The following RARB variants were observed in gnomAD, a reference collection of about 807,000 sequenced individuals.
RARB encodes the protein retinoic acid receptor beta.
Under a neutral mutation model 51.9 loss-of-function variants are expected in RARB, and 17 were observed. That is an observed-to-expected ratio of 0.33 (90% CI 0.22 to 0.49). The LOEUF (loss-of-function observed/expected upper bound fraction) is 0.49. Ranked by LOEUF, RARB falls within the 20% of genes least tolerant of loss-of-function variation. RARB has a pLI of 0.99. For missense variants in RARB, 369 were observed against 550.8 expected, an observed-to-expected ratio of 0.67 and a Z score of 3.30; for synonymous variants, 215 against 195.4, an observed-to-expected ratio of 1.10 and a Z score of -0.84.
At chr3:25,370,288 T>G (rs1204691336) in intron 5 of RARB, among the ~76,000 whole-genome samples, 1 of 152,198 alleles carries the variant, frequency 6.6e-6, no homozygotes, top group Non-Finnish European at 1.5e-5. Context: ...TTAGTAAAAA[T>G]TGATCGTCAA....
chr3:25,346,323 C>T (rs939735195), intron 5 of RARB, among the ~76,000 whole-genome samples: 2 of 152,076 alleles, frequency 1.3e-5, no homozygotes, highest in African/African-American at 2.4e-5. Context: ...TTTCTCCTGA[C>T]TTATTTTTAA....
intron 5 of RARB, among the ~76,000 whole-genome samples, chr3:25,228,135 G>T (rs1702095150): frequency 6.7e-6 from 1 of 149,944 alleles, no homozygotes; most frequent in Admixed American, 6.6e-5. Context: ...TATTTTTTAT[G>T]AATAATAGCT....
intron 3 of RARB, among the ~76,000 whole-genome samples, chr3:25,115,624 CT>C (rs936529636): frequency 6.8e-6 from 1 of 147,248 alleles, no homozygotes; most frequent in African/African-American, 2.5e-5. Context: ...CTTCCTTTTT[CT>C]TTTTTTTCCT....
Position 25,280,188 on chromosome 3 carries a change from C to G in RARB, c.178+105613C>G, listed in dbSNP as rs4577428. Among the ~76,000 whole-genome samples the G allele has an allele frequency of 5.7e-3, 867 of 152,202 alleles. 14 individuals are homozygous for G. The highest frequency in any genetic ancestry group is 0.051 in the South Asian group (246 of 4,808). On this transcript the variant is annotated intron_variant, in intron 5 of 11. Transcript: ENST00000383772. ...GTCATGGAGAAATATGATTGGAGGA[C>G]AAGAGGGTATAATCTAATGCTAATA...
intron 5 of RARB, among the ~76,000 whole-genome samples, chr3:25,330,727 TAA>T (rs1280254565): frequency 6.6e-6 from 1 of 152,024 alleles, no homozygotes; most frequent in Non-Finnish European, 1.5e-5. Flanking sequence ...GCAAATTGGA[TAA>T]AGAGTCAAGA....
chr3:25,097,100 A>G (rs922462819), intron 3 of RARB, among the ~76,000 whole-genome samples: 52 of 152,166 alleles, frequency 3.4e-4, no homozygotes, highest in Non-Finnish European at 8.8e-5. Flanking sequence ...GACTTGAAAG[A>G]TAGAAGACTA....
At chr3:24,888,989 G>A (rs1328319669) in intron 2 of RARB, among the ~76,000 whole-genome samples, 2 of 152,164 alleles carry the variant, frequency 1.3e-5, no homozygotes, top group South Asian at 2.1e-4. Context: ...TGATGATAAT[G>A]TGAATTTCCT....
chr3:25,087,714 A>G (rs1172128114), intron 3 of RARB, among the ~76,000 whole-genome samples: 3 of 152,084 alleles, frequency 2.0e-5, no homozygotes, highest in Non-Finnish European at 2.9e-5. Flanking sequence ...AAGTACATAC[A>G]TGTTTTACAG....
chr3:25,132,557 A>C (rs529920020), intron 4 of RARB, among the ~76,000 whole-genome samples: 1 of 152,010 alleles, frequency 6.6e-6, no homozygotes, highest in East Asian at 1.9e-4. Flanking sequence ...TGATTCTCTC[A>C]AAAAACGTTA....
chr3:24,879,977 C>A (rs10865799), intron 2 of RARB, among the ~76,000 whole-genome samples: 2 of 144,610 alleles, frequency 1.4e-5, no homozygotes, highest in African/African-American at 5.1e-5. Context: ...TACAAAGTCA[C>A]GAAAACTGAA....
chr3:25,011,575 C>A (rs189894003), intron 2 of RARB, among the ~76,000 whole-genome samples: 1 of 151,934 alleles, frequency 6.6e-6, no homozygotes, highest in Admixed American at 6.6e-5. Context: ...AGTGCACTTA[C>A]TTTCTTAGCC....
chr3:25,449,043 A>G (rs977640648), intron 1 of RARB, among the ~76,000 whole-genome samples: 1 of 152,068 alleles, frequency 6.6e-6, no homozygotes, highest in Non-Finnish European at 1.5e-5. Flanking sequence ...TTAAGGGAGT[A>G]TATGTGGCCT....
chr3:25,166,000 T>A (rs533248146), intron 4 of RARB, among the ~76,000 whole-genome samples: 32 of 152,086 alleles, frequency 2.1e-4, no homozygotes, highest in South Asian at 1.5e-3. Context: ...TTAAAAAAAA[T>A]TTTACTGTAT....
chr3:24,938,655 A>G (rs1169407165), intron 2 of RARB, among the ~76,000 whole-genome samples: 2 of 152,152 alleles, frequency 1.3e-5, no homozygotes, highest in Non-Finnish European at 1.5e-5. Flanking sequence ...AACAACTATC[A>G]CCACTGTCCA....
intron 3 of RARB, among the ~76,000 whole-genome samples, chr3:25,507,553 C>G (rs1221190776): frequency 2.6e-5 from 4 of 152,206 alleles, no homozygotes; most frequent in African/African-American, 4.8e-5. Flanking sequence ...TTCCCTCCCC[C>G]AGAAGACATT....
intron 1 of RARB, among the ~76,000 whole-genome samples, chr3:25,460,827 C>T (rs1864907): frequency 0.95 from 145,431 of 152,300 alleles, 69,511 homozygotes; most frequent in East Asian, 1. Context: ...TGTAGTATGA[C>T]TATCTGAATT....
chr3:25,594,558 C>T lies in RARB; in HGVS notation c.1030C>T (p.Leu344=), dbSNP rs1469707939. The T allele has an allele frequency of 1.2e-6, 2 of 1,613,182 alleles. No individual in the cohort carries two copies. The highest frequency in any genetic ancestry group is 1.7e-5 in the Admixed American group (1 of 59,868). ...TGAGGAACCGACAAAAGTAGATAAG[C>T]TACAAGAACCATTGCTGGAAGCACT... is the stretch of plus-strand genomic sequence containing the variant. ...DLEEPTKVDK[L]QEPLLEALKI... The change falls in exon 7 of 8, where the codon CTA becomes TTA. Residue 344 remains leucine, a synonymous_variant. Coordinates refer to ENST00000330688, the MANE Select transcript of RARB (RefSeq NM_000965.5).
chr3:24,890,772 A>G (rs961751628), intron 2 of RARB, among the ~76,000 whole-genome samples: 11 of 152,302 alleles, frequency 7.2e-5, no homozygotes, highest in Admixed American at 2.6e-4. Context: ...TTTCCTGGAC[A>G]AAGAGTTTTT....
chr3:25,291,836 C>T (rs915355115), intron 5 of RARB, among the ~76,000 whole-genome samples: 2 of 151,998 alleles, frequency 1.3e-5, no homozygotes, highest in Non-Finnish European at 1.5e-5. Context: ...AAAAATGGCT[C>T]TCAGAACAAT....
Sources: allele counts gnomAD v4.1 joint callset (sites outside exome capture counted in the v4.1 genomes callset), GRCh38; gene constraint gnomAD v4.1.1; transcripts MANE v1.5; gene names NCBI Gene and HGNC (gene_info 2026-07-23, HGNC 2026-07-21).